KRT17: variants seen among roughly 807,000 people sequenced by gnomAD.
The protein encoded by KRT17 is keratin 17.
Under a neutral mutation model 45.6 loss-of-function variants are expected in KRT17, and 29 were observed. The observed-to-expected ratio is 0.64, with a 90% CI of 0.47 to 0.87. The LOEUF is 0.87. KRT17 is among the 40% of genes least tolerant of loss of function. The probability of loss-of-function intolerance (pLI) is 0.00; values close to 1 mark genes in which losing one functional copy is unlikely to be tolerated. For synonymous variants in KRT17, 219 were observed against 234.6 expected (o/e 0.93, Z 0.61); for missense variants, 536 against 577.8 (o/e 0.93, Z 0.74).
At chr17:41,621,995 C>A in intron 3 of KRT17, 3 of 613,974 alleles carry the variant, frequency 4.9e-6, no homozygotes, top group Admixed American at 3.0e-5. Flanking sequence ...AGGCCTATGC[C>A]CCCAAAAGTT....
rs754891141 is a variant in KRT17, at chr17:41,624,224, C to A, written c.286G>T (p.Ala96Ser). Reference protein sequence around the residue: ...ATMQNLNDRLASYLDKVRALE... With the variant: ...ATMQNLNDRLSSYLDKVRALE... The stretch of plus-strand genomic sequence containing the variant: ...GCACGCACCTTGTCCAGGTAGGAGG[C>A]CAGGCGGTCATTGAGGTTCTGCATG... Residue 96 changes from alanine (A) to serine (S), a missense_variant, in exon 1 of 8, where the codon GCC (alanine) becomes TCC (serine). Coordinates refer to ENST00000311208, the MANE Select transcript of KRT17 (RefSeq NM_000422.3). 29 of 1,612,672 alleles carry A rather than the reference C, an allele frequency of 1.8e-5. No homozygotes were observed. In the East Asian group the frequency reaches 6.0e-4, roughly 33 times the overall value.
chr17:41,622,965 T>G lies in KRT17; in HGVS notation c.500A>C (p.Asp167Ala), dbSNP rs1157801603. 3.7e-6 allele frequency: 6 copies of G among 1,612,800 alleles called. No homozygotes were observed. The East Asian group carries it at 6.7e-5, about 18-fold the overall frequency. The change falls in exon 2 of 8, where the codon GAT (aspartate) becomes GCT (alanine). Residue 167 changes from aspartate to alanine, a missense_variant. Physicochemically the swap from Asp to Ala is moderately radical, Grantham distance 126. Coordinates refer to ENST00000311208, the MANE Select transcript of KRT17 (RefSeq NM_000422.3). ...LQIDNARLAA[D>A]DFRTKFETEQ... ...TAGGACTCACTTGGTGCGGAAGTCATCAGCAGCCAGACGGGCATTGTCAAT... is the reference window on the plus strand; with the variant it reads ...TAGGACTCACTTGGTGCGGAAGTCAGCAGCAGCCAGACGGGCATTGTCAAT...
chr17:41,619,764 G>A (rs1455546200), intron 7 of KRT17, 76 bp from the exon 8 acceptor site: 1 of 1,607,222 alleles, frequency 6.2e-7, no homozygotes, highest in African/African-American at 1.3e-5. Flanking sequence ...TCATGGACAG[G>A]AGCCGGCTCT....
rs1908566081 is a variant in KRT17 at position 41,622,207 on chromosome 17, T to C, written c.672+148A>G. 1.2e-5 allele frequency: 12 copies of C among 1,009,220 alleles called. No homozygotes were observed. The South Asian group carries it at 1.5e-4, about 12-fold the overall frequency. The allele number at this position is 1,009,220 out of a possible 1,614,324, so 62.5% of individuals were successfully genotyped here. On this transcript the variant is annotated intron_variant, in intron 3 of 7. Coordinates refer to ENST00000311208, the MANE Select transcript of KRT17 (RefSeq NM_000422.3). ...TGCCCTGCACACTGGACCCCAAGGA[T>C]CAGGGCTCTGCAGACAGGGAAGCCC...
At position 41,623,423 on chromosome 17, in the gene KRT17, C is replaced by A. The variant is rs373530103; in HGVS notation, c.433-391G>T. Among the ~76,000 whole-genome samples the A allele has an allele frequency of 1.4e-3, 217 of 152,280 alleles. 2 individuals carry two copies. The highest frequency in any genetic ancestry group is 5.1e-3 in the African/African-American group (212 of 41,542). ...AGAGGGTGCCCCTGACAGGCTCCCC[C>A]AAAAGGAGGCTAAAGGAGCCCTCAT... On this transcript the variant is annotated intron_variant, in intron 1 of 7. Coordinates refer to ENST00000311208, the MANE Select transcript of KRT17 (RefSeq NM_000422.3).
chr17:41,620,795 C>A lies in KRT17; in HGVS notation c.1045G>T (p.Val349Leu), dbSNP rs142267571. Residue 349 changes from valine (V) to leucine (L), a missense_variant, in exon 6 of 8, where the codon GTG (valine) becomes TTG (leucine). Val to Leu is a conservative substitution (Grantham distance 32). Coordinates refer to ENST00000311208, the MANE Select transcript of KRT17 (RefSeq NM_000422.3). ...CGAAGCTGGGCCAGCTGCTCCTCCACGCTGCCAATCAGCCCCTGGATCTGG... is the reference window on the plus strand; with the variant it reads ...CGAAGCTGGGCCAGCTGCTCCTCCAAGCTGCCAATCAGCCCCTGGATCTGG... Reference protein sequence around the residue: ...LSQIQGLIGSVEEQLAQLRCE... With the variant: ...LSQIQGLIGSLEEQLAQLRCE... 6.2e-7 allele frequency: 1 copy of A among 1,613,122 alleles called. No individual in the cohort carries two copies. Among genetic ancestry groups the A allele is most frequent in the Non-Finnish European group, 8.5e-7 (1 of 1,179,862 alleles).
chr17:41,619,560 G>A lies in KRT17; in HGVS notation c.*34C>T, dbSNP rs769858585. On this transcript the variant is annotated 3_prime_UTR_variant, in exon 8 of 8. Transcript: ENST00000311208. ...GGGCAGATGGGGCGGCTGCCTCCCT[G>A]CCTCCTGGGTGGCCGGCCGGGGTAG... The A allele has an allele frequency of 9.3e-6, 15 of 1,611,826 alleles. No homozygotes were observed. Among genetic ancestry groups the A allele is most frequent in the Admixed American group, 1.7e-5 (1 of 60,028 alleles).
Position 41,620,817 on chromosome 17 carries a change from C to G in KRT17, c.1023G>C (p.Gln341His). ...TENRYCVQLS[Q>H]IQGLIGSVEE... ...CCACGCTGCCAATCAGCCCCTGGAT[C>G]TGGGACAGCTGCACGCAGTAGCGGT... The change falls in exon 6 of 8, where the codon CAG (glutamine) becomes CAC (histidine). Residue 341 changes from glutamine (Q) to histidine (H), a missense_variant. By Grantham distance (24) the Gln-to-His change is conservative. Coordinates refer to ENST00000311208, the MANE Select transcript of KRT17 (RefSeq NM_000422.3). The G allele has an allele frequency of 4.3e-6, 7 of 1,613,488 alleles. No individual in the cohort carries two copies. Among genetic ancestry groups the G allele is most frequent in the Non-Finnish European group, 5.9e-6 (7 of 1,179,882 alleles).
At chr17:41,623,081 C>T (rs776728246) in intron 1 of KRT17, 49 bp from the exon 2 acceptor site, 1 of 1,396,260 alleles carries the variant, frequency 7.2e-7, no homozygotes, top group Middle Eastern at 1.9e-4. Context: ...GTGGCTGAGC[C>T]CACACCAGGG....
chr17:41,619,796 G>A (rs1174618721), intron 7 of KRT17, 108 bp from the exon 8 acceptor site: 1 of 1,582,042 alleles, frequency 6.3e-7, no homozygotes, highest in African/African-American at 1.3e-5. Flanking sequence ...TCCCCCAGGT[G>A]CTGTGAGTGC....
chr17:41,624,156 G>C lies in KRT17; in HGVS notation c.354C>G (p.Asp118Glu). 1.9e-6 allele frequency: 3 copies of C among 1,612,292 alleles called. No individual in the cohort carries two copies. The highest frequency in any genetic ancestry group is 2.5e-6 in the Non-Finnish European group (3 of 1,179,970). ...ANTELEVKIR[D>E]WYQRQAPGPA... ...GCCCCGGGGCCTGCCTCTGGTACCA[G>C]TCACGGATCTTCACCTCCAGCTCAG... Residue 118 changes from aspartate to glutamate, a missense_variant, in exon 1 of 8, where the codon GAC (aspartate) becomes GAG (glutamate). By Grantham distance (45) the Asp-to-Glu change is conservative (BLOSUM62 2). Transcript: ENST00000311208.
Position 41,622,354 on chromosome 17 carries a change from C to A in KRT17, c.672+1G>T, listed in dbSNP as rs1392947985. ...TTGACCTTCTGCCCCAGCCACCTCA[C>A]CTCCTCGTGGTTCTTCTTCAGGTAG... On this transcript the variant is annotated splice_donor_variant, in intron 3 of 7. Transcript: ENST00000311208. LOFTEE classifies it high-confidence loss of function. The A allele has an allele frequency of 1.2e-6, 2 of 1,613,264 alleles. No homozygotes were observed. Among genetic ancestry groups the A allele is most frequent in the South Asian group, 2.2e-5 (2 of 91,042 alleles).
intron 1 of KRT17, chr17:41,623,380 C>T (rs1271157322): frequency 1.9e-5 from 6 of 322,744 alleles, no homozygotes; most frequent in South Asian, 8.4e-5. Flanking sequence ...GGGCAACCCC[C>T]TCGTTTTACA....
At position 41,620,831 on chromosome 17, in the gene KRT17, C is replaced by T. The variant is rs143477910; in HGVS notation, c.1009G>A (p.Val337Met). 110 of 1,613,642 alleles carry T rather than the reference C, an allele frequency of 6.8e-5. No individual in the cohort carries two copies. Among genetic ancestry groups the T allele is most frequent in the South Asian group, 3.0e-4 (27 of 91,060 alleles). ...AGCCCCTGGATCTGGGACAGCTGCA[C>T]GCAGTAGCGGTTCTCTGTCTCCGCC... is the stretch of plus-strand genomic sequence containing the variant. The part of the protein sequence containing the change: ...NLAETENRYC[V>M]QLSQIQGLIG... The change falls in exon 6 of 8, where the codon GTG (valine) becomes ATG (methionine). Residue 337 changes from valine to methionine, a missense_variant. Val to Met is a conservative substitution (Grantham distance 21). Coordinates refer to ENST00000311208, the MANE Select transcript of KRT17 (RefSeq NM_000422.3).
rs1266296732 is a variant in KRT17 at position 41,624,476 on chromosome 17, T to C, written c.34A>G (p.Ser12Gly). The C allele has an allele frequency of 6.2e-7, 1 of 1,610,110 alleles. No individual in the cohort carries two copies. Among genetic ancestry groups the C allele is most frequent in the Non-Finnish European group, 8.5e-7 (1 of 1,179,550 alleles). Reference protein sequence around the residue: ...TTSIRQFTSSSSIKGSSGLGG... With the variant: ...TTSIRQFTSSGSIKGSSGLGG... ...AGGCCGGAGGAGCCCTTGATGGAGCTGGAGGAGGTGAACTGGCGGATGGAG... is the reference window on the plus strand; with the variant it reads ...AGGCCGGAGGAGCCCTTGATGGAGCCGGAGGAGGTGAACTGGCGGATGGAG... The change falls in exon 1 of 8, where the codon AGC becomes GGC. Residue 12 changes from serine (S) to glycine (G), a missense_variant. Coordinates refer to ENST00000311208, the MANE Select transcript of KRT17 (RefSeq NM_000422.3).
Position 41,620,969 on chromosome 17 carries a change from G to A in KRT17, c.957C>T (p.Ser319=). 1 of 1,614,184 alleles carries A rather than the reference G, an allele frequency of 6.2e-7. No homozygotes were observed. Among genetic ancestry groups the A allele is most frequent in the Non-Finnish European group, 8.5e-7 (1 of 1,180,030 alleles). Residue 319 remains serine (S), a synonymous_variant, in exon 5 of 8, where the codon AGC becomes AGT. Transcript: ENST00000311208. ...CCATGCACAGGACTGTTCCTACCAT[G>A]CTGAGCTGGGACTGCAGCTCTATCT... ...ALEIELQSQL[S]MKASLEGNLA...
intron 1 of KRT17, 188 bp from the exon 2 acceptor site, chr17:41,623,220 G>C (rs759753249): frequency 1.7e-6 from 1 of 590,020 alleles, no homozygotes; most frequent in Non-Finnish European, 3.2e-6. Context: ...TTCTTCCCCC[G>C]ATACTCAGTA....
intron 4 of KRT17, among the ~76,000 whole-genome samples, chr17:41,621,318 G>A (rs1908534856): frequency 6.6e-6 from 1 of 152,254 alleles, no homozygotes; most frequent in South Asian, 2.1e-4. Context: ...CCTGGCTCTT[G>A]ATGCTAGTTC....
chr17:41,622,384 G>C lies in KRT17; in HGVS notation c.643C>G (p.Leu215Val). 1 of 1,613,812 alleles carries C rather than the reference G, an allele frequency of 6.2e-7. No individual in the cohort carries two copies. The highest frequency in any genetic ancestry group is 8.5e-7 in the Non-Finnish European group (1 of 1,180,032). ...TCGTGGTTCTTCTTCAGGTAGGCCA[G>C]CTCCTCCTTGAGGTTCTCAATCTGC... ...EMQIENLKEE[L>V]AYLKKNHEEE... Residue 215 changes from leucine to valine, a missense_variant, in exon 3 of 8, where the codon CTG becomes GTG. Physicochemically the swap from Leu to Val is conservative, Grantham distance 32. Transcript: ENST00000311208.
Sources: gnomAD v4.1 joint callset for allele counts (sites outside exome capture counted in the v4.1 genomes callset) on GRCh38, gnomAD v4.1.1 for gene constraint, MANE v1.5 for transcripts, NCBI Gene and HGNC (gene_info 2026-07-23, HGNC 2026-07-21) for gene names.